Variants in RCOR1 observed in about 807,000 individuals in gnomAD.
RCOR1 encodes the protein REST corepressor 1.
Under a neutral mutation model 64.0 loss-of-function variants are expected in RCOR1, and 12 were observed. The ratio of observed to expected loss-of-function variants is 0.19; its 90% CI spans 0.12 to 0.30. The LOEUF (loss-of-function observed/expected upper bound fraction) is 0.30, where lower values mean the gene tolerates loss of function less well. RCOR1 is among the 10% of genes least tolerant of loss of function. The pLI is 1.00. For missense variants in RCOR1, 502 were observed against 621.2 expected (o/e 0.81, Z 2.04); for synonymous variants, 279 against 227.2 (o/e 1.23, Z -2.05).
intron 3 of RCOR1, among the ~76,000 whole-genome samples, chr14:102,689,381 A>G (rs1022535835): frequency 2.0e-5 from 3 of 152,118 alleles, no homozygotes; most frequent in African/African-American, 7.2e-5. Flanking sequence ...GCTCGGGTAT[A>G]GCCTTGTCTG....
intron 2 of RCOR1, among the ~76,000 whole-genome samples, chr14:102,609,155 C>T (rs1893576529): frequency 6.6e-6 from 1 of 151,214 alleles, no homozygotes; most frequent in Non-Finnish European, 1.5e-5. Flanking sequence ...AAGCAATTCT[C>T]CTGCCTCAGC....
At position 102,682,279 on chromosome 14, in the gene RCOR1, A is replaced by G. The variant is rs188437211; in HGVS notation, c.445+301A>G. Reference sequence around the variant, plus strand: ...TGAATAGCTGGGATTACAGGCACCCATTACCACACCCAGCTAATTTTTGTA... The same window carrying G: ...TGAATAGCTGGGATTACAGGCACCCGTTACCACACCCAGCTAATTTTTGTA... On this transcript the variant is annotated intron_variant, in intron 3 of 11. Transcript: ENST00000262241. 3.9e-5 allele frequency among the ~76,000 whole-genome samples: 6 copies of G among 152,212 alleles called. No individual in the cohort carries two copies. In the East Asian group the frequency reaches 1.2e-3, roughly 29 times the overall value.
chr14:102,617,217 C>T (rs1392353080), intron 2 of RCOR1, among the ~76,000 whole-genome samples: 1 of 152,072 alleles, frequency 6.6e-6, no homozygotes. Flanking sequence ...CACATTCGTT[C>T]GTTGACTGTT....
At chr14:102,642,358 A>G (rs1894386523) in intron 2 of RCOR1, among the ~76,000 whole-genome samples, 1 of 152,160 alleles carries the variant, frequency 6.6e-6, no homozygotes, top group South Asian at 2.1e-4. Context: ...AAGATTCTTG[A>G]GATTATTTGG....
intron 2 of RCOR1, among the ~76,000 whole-genome samples, chr14:102,627,960 GGTGTGTGT>G (rs3069199): frequency 2.7e-5 from 4 of 148,972 alleles, no homozygotes; most frequent in Non-Finnish European, 6.0e-5. Context: ...ATTTAAAAGG[GGTGTGTGT>G]GTGTGTGTGT....
intron 2 of RCOR1, among the ~76,000 whole-genome samples, chr14:102,631,146 T>A (rs1439567283): frequency 6.6e-6 from 1 of 152,056 alleles, no homozygotes; most frequent in African/African-American, 2.4e-5. Context: ...CCAAACTCAC[T>A]GTGAGAAGTG....
At chr14:102,707,259 A>G in intron 4 of RCOR1, 92 bp from the exon 5 acceptor site, 1 of 1,082,342 alleles carries the variant, frequency 9.2e-7, no homozygotes, top group Non-Finnish European at 1.3e-6. Context: ...TTGTCTAAAT[A>G]TGAAGTCGTT....
chr14:102,644,192 A>G (rs912419301), intron 2 of RCOR1, among the ~76,000 whole-genome samples: 1 of 152,204 alleles, frequency 6.6e-6, no homozygotes, highest in East Asian at 1.9e-4. Context: ...TGCTCCTCAC[A>G]ACATTATGGC....
intron 4 of RCOR1, 135 bp downstream of exon 4, chr14:102,701,465 C>G (rs1195014304): frequency 1.7e-6 from 1 of 579,974 alleles, no homozygotes; most frequent in Non-Finnish European, 2.9e-6. Flanking sequence ...AGTAGTGTTA[C>G]ACAAACTCTG....
At chr14:102,723,070 C>T (rs1047582666) in intron 11 of RCOR1, among the ~76,000 whole-genome samples, 6 of 152,218 alleles carry the variant, frequency 3.9e-5, no homozygotes, top group African/African-American at 1.2e-4. Context: ...CTTGCTGTTA[C>T]ATTTGTCCCT....
chr14:102,679,782 C>G (rs990889038), intron 2 of RCOR1, among the ~76,000 whole-genome samples: 1 of 152,136 alleles, frequency 6.6e-6, no homozygotes, highest in African/African-American at 2.4e-5. Flanking sequence ...CTGGCCTTTT[C>G]TCTGTCTTTA....
intron 2 of RCOR1, among the ~76,000 whole-genome samples, chr14:102,668,348 C>G (rs1485452389): frequency 6.6e-6 from 1 of 152,156 alleles, no homozygotes; most frequent in East Asian, 1.9e-4. Context: ...CAGCTGAAGA[C>G]CTATGGAAAG....
chr14:102,669,481 C>T (rs957878717), intron 2 of RCOR1, among the ~76,000 whole-genome samples: 1 of 152,074 alleles, frequency 6.6e-6, no homozygotes, highest in Non-Finnish European at 1.5e-5. Context: ...ATGTTCTTTA[C>T]ATTCTTTGGT....
intron 2 of RCOR1, among the ~76,000 whole-genome samples, chr14:102,672,040 A>G (rs1895041313): frequency 6.6e-6 from 1 of 152,210 alleles, no homozygotes; most frequent in Non-Finnish European, 1.5e-5. Flanking sequence ...AAGTTCTGTC[A>G]TATAGACATA....
chr14:102,611,181 C>T (rs141540494), intron 2 of RCOR1, among the ~76,000 whole-genome samples: 1 of 152,070 alleles, frequency 6.6e-6, no homozygotes, highest in Non-Finnish European at 1.5e-5. Flanking sequence ...AGGCGATTCT[C>T]CTGTCTCAGC....
chr14:102,592,806 C>CGCGCCCCCTCCCCCGTCTCG lies in RCOR1; in HGVS notation c.-69_-50dup. 13 of 1,177,782 alleles carry CGCGCCCCCTCCCCCGTCTCG rather than the reference C, an allele frequency of 1.1e-5. No homozygotes were observed. The highest frequency in any genetic ancestry group is 1.4e-5 in the Non-Finnish European group (13 of 953,456). 73.0% of individuals were successfully genotyped at this position (1,177,782 alleles called of 1,614,324 possible). A position where few individuals can be genotyped will look rare whatever the true frequency, so the allele number is the denominator to read the frequency against. On this transcript the variant is annotated 5_prime_UTR_variant, in exon 1 of 12. Transcript: ENST00000262241. ...CGCCCGCCCGGCCCCGCGCCGGCCCCGCGCCCCCTCCCCCGTCTCGGCGCC... is the reference window on the plus strand; with the variant it reads ...CGCCCGCCCGGCCCCGCGCCGGCCCCGCGCCCCCTCCCCCGTCTCGGCGCCCCCTCCCCCGTCTCGGCGCC...
At chr14:102,632,267 A>G (rs1159028190) in intron 2 of RCOR1, among the ~76,000 whole-genome samples, 3 of 144,848 alleles carry the variant, frequency 2.1e-5, no homozygotes, top group Admixed American at 7.0e-5. Flanking sequence ...CCCAGGCTGG[A>G]GTGCAGTGGC....
intron 2 of RCOR1, among the ~76,000 whole-genome samples, chr14:102,632,505 A>G (rs1237251431): frequency 1.3e-5 from 2 of 152,082 alleles, no homozygotes; most frequent in East Asian, 1.9e-4. Context: ...GCGCCCGGCC[A>G]GTTTGTTGGT....
chr14:102,640,603 A>G (rs1894346606), intron 2 of RCOR1, among the ~76,000 whole-genome samples: 1 of 152,210 alleles, frequency 6.6e-6, no homozygotes, highest in Admixed American at 6.5e-5. Context: ...AAAAGTTTAG[A>G]ATGAGATGTA....
Sources: allele counts gnomAD v4.1 joint callset (sites outside exome capture counted in the v4.1 genomes callset), GRCh38; gene constraint gnomAD v4.1.1; transcripts MANE v1.5; gene names NCBI Gene and HGNC (gene_info 2026-07-23, HGNC 2026-07-21).